KIF14: variants seen among roughly 807,000 people sequenced by gnomAD.
KIF14 encodes kinesin-like protein KIF14.
Under a neutral mutation model 176.2 loss-of-function variants are expected in KIF14, and 98 were observed. The observed-to-expected ratio is 0.56, with a 90% CI of 0.47 to 0.66. The LOEUF (loss-of-function observed/expected upper bound fraction) is 0.66. Ranked by LOEUF, KIF14 falls within the 30% of genes least tolerant of loss-of-function variation. The pLI, the probability that KIF14 is intolerant of heterozygous loss-of-function variation, is 0.00. For synonymous variants in KIF14, 566 were observed against 632.2 expected (o/e 0.90, Z 1.57); for missense variants, 1,751 against 1,920.4 (o/e 0.91, Z 1.65).
intron 21 of KIF14, among the ~76,000 whole-genome samples, chr1:200,577,604 C>T (rs775663524): frequency 7.3e-5 from 11 of 150,934 alleles, no homozygotes; most frequent in African/African-American, 9.8e-5. Context: ...AGACCGCTGA[C>T]GCAGGAGAAT....
rs777878899 is a variant in KIF14 at position 200,565,493 on chromosome 1, CAA to C, written c.3836_3837del (p.Phe1279CysfsTer7). 1 of 1,609,382 alleles carries C rather than the reference CAA, an allele frequency of 6.2e-7. No homozygotes were observed. Among genetic ancestry groups the C allele is most frequent in the South Asian group, 1.1e-5 (1 of 89,602 alleles). On this transcript the variant is annotated frameshift_variant, in exon 24 of 30. Transcript: ENST00000367350. LOFTEE classifies it high-confidence loss of function. ...TGTTCTTCATGAGCCTTGGAAATGGCAAATAGCCCATTATAAATTTTAAGAAA... is the reference window on the plus strand; with the variant it reads ...TGTTCTTCATGAGCCTTGGAAATGGCATAGCCCATTATAAATTTTAAGAAA... The part of the protein sequence containing the change: ...NSFLKIYNGL[F>X]AISKAHEEQD...
intron 23 of KIF14, among the ~76,000 whole-genome samples, chr1:200,568,122 C>A (rs1657569694): frequency 6.6e-6 from 1 of 152,164 alleles, no homozygotes; most frequent in South Asian, 2.1e-4. Flanking sequence ...GGTACAGCCC[C>A]TCACCCCCAG....
intron 13 of KIF14, 49 bp downstream of exon 13, chr1:200,600,001 T>C (rs1428649099): frequency 1.0e-5 from 11 of 1,097,954 alleles, no homozygotes; most frequent in African/African-American, 1.6e-5. Context: ...ATTTATTTCT[T>C]GGCATATTTC....
chr1:200,581,221 T>C lies in KIF14; in HGVS notation c.3315A>G (p.Lys1105=), dbSNP rs747582805. The C allele has an allele frequency of 1.1e-5, 18 of 1,602,062 alleles. No homozygotes were observed. Among genetic ancestry groups the C allele is most frequent in the Non-Finnish European group, 1.5e-5 (18 of 1,174,764 alleles). Residue 1105 remains lysine (K), a synonymous_variant, in exon 20 of 30, where the codon AAA becomes AAG. Transcript: ENST00000367350. ...QEANAISSKL[K]TYYVFGRHDI... ...CTCACCTGCCAAAAACATAGTATGT[T>C]TTCAATTTGCTGCTGATAGCATTGG...
intron 17 of KIF14, among the ~76,000 whole-genome samples, 157 bp from the exon 18 acceptor site, chr1:200,589,526 A>G (rs949555262): frequency 6.6e-6 from 1 of 152,204 alleles, no homozygotes; most frequent in African/African-American, 2.4e-5. Context: ...AAAAATACTT[A>G]AGAGTATTAT....
chr1:200,590,103 T>C (rs369287844), intron 17 of KIF14, 22 bp downstream of exon 17: 61 of 1,585,724 alleles, frequency 3.8e-5, no homozygotes, highest in Admixed American at 2.4e-4. Flanking sequence ...AAAAAAAAAA[T>C]AAAACTAATT....
At chr1:200,555,960 A>G (rs1012870157) in intron 27 of KIF14, among the ~76,000 whole-genome samples, 3 of 152,350 alleles carry the variant, frequency 2.0e-5, no homozygotes, top group East Asian at 3.9e-4. Flanking sequence ...TAGATACAAA[A>G]TTTCTAAATT....
chr1:200,560,549 G>T (rs1310088800), intron 26 of KIF14, among the ~76,000 whole-genome samples, 173 bp downstream of exon 26: 2 of 152,198 alleles, frequency 1.3e-5, no homozygotes, highest in Non-Finnish European at 2.9e-5. Flanking sequence ...TGGGATTACA[G>T]GCATAAGCCA....
intron 25 of KIF14, among the ~76,000 whole-genome samples, chr1:200,561,851 G>C (rs1657176606): frequency 6.6e-6 from 1 of 152,112 alleles, no homozygotes; most frequent in Non-Finnish European, 1.5e-5. Flanking sequence ...TTCCTGTTCT[G>C]ATAACCATCT....
intron 22 of KIF14, among the ~76,000 whole-genome samples, chr1:200,575,219 G>A (rs970806201): frequency 1.3e-5 from 2 of 152,052 alleles, no homozygotes; most frequent in African/African-American, 4.8e-5. Flanking sequence ...GCCTCCCAAA[G>A]TGCTGGGATT....
In KIF14 at chr1:200,582,480, T is replaced by G. The variant is rs115961276; in HGVS notation, c.3242-1186A>C. 3.9e-3 allele frequency among the ~76,000 whole-genome samples: 597 copies of G among 152,296 alleles called. 5 individuals carry two copies. Among genetic ancestry groups the G allele is most frequent in the African/African-American group, 0.013 (559 of 41,572 alleles). On this transcript the variant is annotated intron_variant, in intron 19 of 29. Transcript: ENST00000367350. ...GAAGGATAAACTCATTCACATGAAT[T>G]AAAAAATCAAGTAATCATTGTAAGG...
chr1:200,600,579 A>G lies in KIF14; in HGVS notation c.2153-76T>C, dbSNP rs991572648. On this transcript the variant is annotated intron_variant, in intron 11 of 29. Coordinates refer to ENST00000367350, the MANE Select transcript of KIF14 (RefSeq NM_014875.3). ...TTTCCACAGTAAGCATAATCCTCCAATCTTCTATTTCATTTGAAGTTTTAA... is the reference window on the plus strand; with the variant it reads ...TTTCCACAGTAAGCATAATCCTCCAGTCTTCTATTTCATTTGAAGTTTTAA... The G allele has an allele frequency of 4.5e-5, 45 of 1,006,072 alleles. 1 individual carries two copies. The highest frequency in any genetic ancestry group is 3.6e-4 in the East Asian group (14 of 38,640). 62.3% of individuals were successfully genotyped at this position (1,006,072 alleles called of 1,614,324 possible).
intron 2 of KIF14, among the ~76,000 whole-genome samples, 174 bp downstream of exon 2, chr1:200,617,438 G>A (rs1448838162): frequency 1.3e-5 from 2 of 152,156 alleles, no homozygotes; most frequent in African/African-American, 2.4e-5. Context: ...TTTATAGTCA[G>A]TGATCAAAAA....
At chr1:200,564,181 G>T (rs994329332) in intron 25 of KIF14, among the ~76,000 whole-genome samples, 2 of 102,510 alleles carry the variant, frequency 2.0e-5, no homozygotes, top group Non-Finnish European at 4.4e-5. Context: ...AGAATCGCTT[G>T]AACCCAGGAG....
Position 200,559,458 on chromosome 1 carries a change from A to G in KIF14, c.4231-6T>C, listed in dbSNP as rs1378449902. On this transcript the variant is annotated splice_polypyrimidine_tract_variant and splice_region_variant and intron_variant, in intron 26 of 29. Transcript: ENST00000367350. ...ACAGCATCCATGAATTCCTCCTAGA[A>G]AAAGAATTTAAGCATTAACTAGAAA... 6 of 1,466,468 alleles carry G rather than the reference A, an allele frequency of 4.1e-6. No homozygotes were observed. The African/African-American group carries it at 5.8e-5, about 14-fold the overall frequency. 90.8% of individuals were successfully genotyped at this position (1,466,468 alleles called of 1,614,324 possible). A position where few individuals can be genotyped will look rare whatever the true frequency, so the allele number is the denominator to read the frequency against.
chr1:200,619,057 G>A (rs937601739), intron 1 of KIF14, among the ~76,000 whole-genome samples: 1 of 152,130 alleles, frequency 6.6e-6, no homozygotes, highest in Non-Finnish European at 1.5e-5. Flanking sequence ...TTAGTGCCAG[G>A]CCCTCTGATA....
At chr1:200,604,250 T>A (rs1185351889) in intron 8 of KIF14, among the ~76,000 whole-genome samples, 1 of 152,048 alleles carries the variant, frequency 6.6e-6, no homozygotes, top group Non-Finnish European at 1.5e-5. Context: ...TATTTTTTAG[T>A]ACAGACAAGG....
chr1:200,614,041 A>T (rs1289621662), intron 4 of KIF14, among the ~76,000 whole-genome samples: 4 of 152,222 alleles, frequency 2.6e-5, no homozygotes, highest in Admixed American at 2.6e-4. Flanking sequence ...GCACATAGCT[A>T]CCATGTTTGT....
At chr1:200,569,821 A>T in intron 23 of KIF14, 90 bp downstream of exon 23, 1 of 658,454 alleles carries the variant, frequency 1.5e-6, no homozygotes, top group East Asian at 2.7e-5. Context: ...AGGAAATGAA[A>T]TGATTTGCAC....
Sources: gnomAD v4.1 joint callset for allele counts (sites outside exome capture counted in the v4.1 genomes callset) on GRCh38, gnomAD v4.1.1 for gene constraint, MANE v1.5 for transcripts, NCBI Gene and HGNC (gene_info 2026-07-23, HGNC 2026-07-21) for gene names.